The following SLC38A1 variants were observed in gnomAD, a reference collection of about 807,000 sequenced individuals.
The protein encoded by SLC38A1 is solute carrier family 38 member 1.
A neutral mutation model predicts 60.3 loss-of-function variants in SLC38A1; 18 were observed. That is an observed-to-expected ratio of 0.30 (90% CI 0.21 to 0.44). SLC38A1 has a LOEUF of 0.44. Among genes scored for constraint, SLC38A1 ranks in the 20% least tolerant of loss-of-function variants. The pLI is 1.00. For missense variants in SLC38A1, 448 were observed against 587.2 expected, an observed-to-expected ratio of 0.76 and a Z score of 2.45; for synonymous variants, 196 against 212.1, an observed-to-expected ratio of 0.92 and a Z score of 0.66.
chr12:46,203,036 G>A lies in SLC38A1; in HGVS notation c.876C>T (p.Val292=). Residue 292 remains valine, a synonymous_variant, in exon 12 of 17, where the codon GTC becomes GTT. Transcript: ENST00000398637. The stretch of plus-strand genomic sequence containing the variant: ...CTTTAAGCTCACTGTAAATTGGCAG[G>A]ACTGACGGGTGGCAAACAAATGCAA... ...IAFAFVCHPS[V]LPIYSELKDR... The A allele has an allele frequency of 6.2e-7, 1 of 1,613,942 alleles. No individual in the cohort carries two copies. The highest frequency in any genetic ancestry group is 2.2e-5 in the East Asian group (1 of 44,846).
At chr12:46,229,362 G>A in intron 4 of SLC38A1, 94 bp from the exon 5 acceptor site, 1 of 889,686 alleles carries the variant, frequency 1.1e-6, no homozygotes, top group Non-Finnish European at 1.8e-6. Flanking sequence ...GAACCAATAT[G>A]GAAGTAAAAT....
chr12:46,191,631 C>T (rs993456879), intron 16 of SLC38A1, among the ~76,000 whole-genome samples: 62 of 152,090 alleles, frequency 4.1e-4, no homozygotes, highest in African/African-American at 1.5e-3. Flanking sequence ...TGTAGTTCTC[C>T]TTGAAGAGGT....
chr12:46,265,508 A>G (rs747577154), intron 1 of SLC38A1, among the ~76,000 whole-genome samples: 1 of 152,258 alleles, frequency 6.6e-6, no homozygotes, highest in South Asian at 2.1e-4. Context: ...TGAAGCAGAA[A>G]AGTGATAGGG....
Position 46,197,727 on chromosome 12 carries a change from C to A in SLC38A1, c.1355G>T (p.Arg452Ile), listed in dbSNP as rs1168543881. 1.3e-6 allele frequency: 2 copies of A among 1,582,064 alleles called. No homozygotes were observed. The highest frequency in any genetic ancestry group is 1.9e-5 in the Admixed American group (1 of 51,852). Residue 452 changes from arginine to isoleucine, a missense_variant, in exon 16 of 17, where the codon AGA becomes ATA. By Grantham distance (97) the Arg-to-Ile change is moderately conservative. Coordinates refer to ENST00000398637, the MANE Select transcript of SLC38A1 (RefSeq NM_030674.4). ...TDQDGDKGTQ[R>I]IWAALFLGLG... Reference sequence around the variant, plus strand: ...GGCTGGCAAGAGACATACCCAAATTCTTTGAGTTCCTTTATCTCCATCCTG... The same window carrying A: ...GGCTGGCAAGAGACATACCCAAATTATTTGAGTTCCTTTATCTCCATCCTG...
chr12:46,237,598 G>T (rs1941304674), intron 3 of SLC38A1, among the ~76,000 whole-genome samples: 1 of 151,858 alleles, frequency 6.6e-6, no homozygotes, highest in Admixed American at 6.5e-5. Context: ...CTATAGGGAA[G>T]TGAGCTCATC....
chr12:46,208,998 T>C (rs1565761236), intron 6 of SLC38A1, 56 bp downstream of exon 6: 1 of 1,197,838 alleles, frequency 8.3e-7, no homozygotes, highest in African/African-American at 1.5e-5. Flanking sequence ...TCCACAATGC[T>C]ACCATAAAAA....
At chr12:46,231,522 A>C (rs1941076919) in intron 3 of SLC38A1, among the ~76,000 whole-genome samples, 1 of 152,240 alleles carries the variant, frequency 6.6e-6, no homozygotes, top group Non-Finnish European at 1.5e-5. Flanking sequence ...TGGCTCTTCT[A>C]GTCTGGAAAT....
chr12:46,260,251 G>A (rs545449058), intron 1 of SLC38A1, among the ~76,000 whole-genome samples: 1 of 152,244 alleles, frequency 6.6e-6, no homozygotes, highest in Admixed American at 6.5e-5. Context: ...TGTAGAAGTA[G>A]CTCTTTGGGC....
chr12:46,262,434 G>A (rs7316041), intron 1 of SLC38A1, among the ~76,000 whole-genome samples: 17,683 of 151,764 alleles, frequency 0.12, 1,421 homozygotes, highest in African/African-American at 0.22. Context: ...GAGTGTATAT[G>A]AGTAGTGTGA....
chr12:46,208,708 A>G (rs1256900309), intron 6 of SLC38A1, among the ~76,000 whole-genome samples: 1 of 152,182 alleles, frequency 6.6e-6, no homozygotes, highest in African/African-American at 2.4e-5. Flanking sequence ...AAAACCTTGG[A>G]AGTTATAATA....
intron 5 of SLC38A1, among the ~76,000 whole-genome samples, chr12:46,216,680 G>A (rs1311588650): frequency 1.3e-5 from 2 of 152,144 alleles, no homozygotes; most frequent in East Asian, 3.9e-4. Context: ...GTGAAACCCC[G>A]TATCTACGTT....
Position 46,201,196 on chromosome 12 carries a change from C to T in SLC38A1, c.905G>A (p.Arg302Gln), listed in dbSNP as rs748829909. Residue 302 changes from arginine (R) to glutamine (Q), a missense_variant and splice_region_variant, in exon 13 of 17, where the codon CGA (arginine) becomes CAA (glutamine). Arg to Gln is a conservative substitution (Grantham distance 43). Transcript: ENST00000398637. ...VLPIYSELKD[R>Q]SQKKMQMVSN... ...AACCATCTGCATTTTTTTCTGTGAT[C>T]GGCTAAAAACAAATAAATGTTAAAA... 66 of 1,610,164 alleles carry T rather than the reference C, an allele frequency of 4.1e-5. No individual in the cohort carries two copies. Among genetic ancestry groups the T allele is most frequent in the Admixed American group, 1.0e-4 (6 of 59,598 alleles).
chr12:46,265,381 G>A (rs902508910), intron 1 of SLC38A1, among the ~76,000 whole-genome samples: 1 of 152,200 alleles, frequency 6.6e-6, no homozygotes, highest in African/African-American at 2.4e-5. Flanking sequence ...AAATGCCAGT[G>A]AGGTGATCAG....
chr12:46,200,919 T>G (rs905635135), intron 13 of SLC38A1, among the ~76,000 whole-genome samples, 179 bp downstream of exon 13: 6 of 152,228 alleles, frequency 3.9e-5, no homozygotes, highest in African/African-American at 1.4e-4. Context: ...ATTATTTTAT[T>G]CGGCAGTCTG....
intron 1 of SLC38A1, among the ~76,000 whole-genome samples, chr12:46,261,232 A>G (rs1348514017): frequency 6.6e-6 from 1 of 152,140 alleles, no homozygotes; most frequent in African/African-American, 2.4e-5. Context: ...CCAATGACCA[A>G]CGCAGGCATT....
intron 8 of SLC38A1, among the ~76,000 whole-genome samples, chr12:46,206,807 G>A (rs1455140199): frequency 1.3e-5 from 2 of 152,194 alleles, no homozygotes; most frequent in East Asian, 3.8e-4. Flanking sequence ...CTTTAAGTAA[G>A]AGGCTAGGGT....
Position 46,188,901 on chromosome 12 carries a change from T to G in SLC38A1, c.*69A>C. 50 of 1,251,702 alleles carry G rather than the reference T, an allele frequency of 4.0e-5. No individual in the cohort carries two copies. Among genetic ancestry groups the G allele is most frequent in the Non-Finnish European group, 5.2e-5 (45 of 861,952 alleles). 77.5% of individuals were successfully genotyped at this position (1,251,702 alleles called of 1,614,324 possible). A position where few individuals can be genotyped will look rare whatever the true frequency, so the allele number is the denominator to read the frequency against. On this transcript the variant is annotated 3_prime_UTR_variant, in exon 17 of 17. Transcript: ENST00000398637. Reference sequence around the variant, plus strand: ...TTCTGTAAACTTGCAAAAGAAGTGGTGAGAGATTGCTGATGTGTGGGGACT... The same window carrying G: ...TTCTGTAAACTTGCAAAAGAAGTGGGGAGAGATTGCTGATGTGTGGGGACT...
chr12:46,219,740 G>A (rs2137596630), intron 5 of SLC38A1, among the ~76,000 whole-genome samples: 1 of 152,360 alleles, frequency 6.6e-6, no homozygotes, highest in Non-Finnish European at 1.5e-5. Context: ...CCAGATGAGT[G>A]AGCAGAGAAG....
At chr12:46,199,376 C>T (rs1297035522) in intron 13 of SLC38A1, among the ~76,000 whole-genome samples, 1 of 149,344 alleles carries the variant, frequency 6.7e-6, no homozygotes, top group African/African-American at 2.5e-5. Flanking sequence ...CAGGGTTTTG[C>T]TCTATCACCC....
Sources: gnomAD v4.1 joint callset for allele counts (sites outside exome capture counted in the v4.1 genomes callset) on GRCh38, gnomAD v4.1.1 for gene constraint, MANE v1.5 for transcripts, NCBI Gene and HGNC (gene_info 2026-07-23, HGNC 2026-07-21) for gene names.